Variants in ATP1A2 observed in about 807,000 individuals in gnomAD.
The protein encoded by ATP1A2 is ATPase Na+/K+ transporting subunit alpha 2, also known as sodium/potassium-transporting ATPase subunit alpha-2.
ATP1A2 carries 56 observed loss-of-function variants against 113.1 expected under a neutral mutation model. The observed-to-expected ratio is 0.49, with a 90% confidence interval of 0.40 to 0.62. ATP1A2 has a LOEUF of 0.62. ATP1A2 is among the 20% of genes least tolerant of loss of function. The pLI is 0.00. For missense variants in ATP1A2, 712 were observed against 1,357.8 expected (o/e 0.52, Z 7.47); for synonymous variants, 490 against 526.8 (o/e 0.93, Z 0.96).
chr1:160,125,783 C>T (rs146052021), intron 7 of ATP1A2, among the ~76,000 whole-genome samples: 171 of 152,344 alleles, frequency 1.1e-3, no homozygotes, highest in African/African-American at 3.8e-3. Context: ...CATGTTTCAC[C>T]ATGCACAGAC....
At chr1:160,134,265 CAT>C (rs1407398686) in intron 13 of ATP1A2, among the ~76,000 whole-genome samples, 12 of 149,810 alleles carry the variant, frequency 8.0e-5, no homozygotes, top group Admixed American at 2.0e-4. Context: ...CCTACACACA[CAT>C]ACACACACCC....
rs1558002451 is a variant in ATP1A2, at chr1:160,120,944, G to C, written c.51G>C (p.Glu17Asp). The part of the protein sequence containing the change: ...REYSPAATTA[E>D]NGGGKKKQKE... ...ACTCACCTGCCGCCACCACGGCAGAGAATGGGGGCGGCAAGAAGAAACAGA... is the reference window on the plus strand; with the variant it reads ...ACTCACCTGCCGCCACCACGGCAGACAATGGGGGCGGCAAGAAGAAACAGA... The change falls in exon 2 of 23, where the codon GAG becomes GAC. Residue 17 changes from glutamate (E) to aspartate (D), a missense_variant. Glu to Asp is a conservative substitution (Grantham distance 45). Around this residue, in one of 6 missense-constraint regions of ATP1A2, gnomAD observed 109 missense variants for 162.3 expected, o/e 0.67. Transcript: ENST00000361216. The C allele has an allele frequency of 6.2e-7, 1 of 1,610,686 alleles. No individual in the cohort carries two copies. Among genetic ancestry groups the C allele is most frequent in the Admixed American group, 1.7e-5 (1 of 59,460 alleles).
intron 13 of ATP1A2, among the ~76,000 whole-genome samples, chr1:160,132,669 G>A (rs1178495510): frequency 1.3e-5 from 2 of 152,090 alleles, no homozygotes; most frequent in African/African-American, 4.8e-5. Context: ...GTAGAGAAAA[G>A]GAGTTCAATG....
chr1:160,136,883 T>A lies in ATP1A2; in HGVS notation c.2710-18T>A. The A allele has an allele frequency of 1.9e-6, 3 of 1,614,240 alleles. No individual in the cohort carries two copies. The highest frequency in any genetic ancestry group is 2.5e-6 in the Non-Finnish European group (3 of 1,180,030). ...TTCCTCCGACACTCTCATCTGTCTCTGCCCACCCTCCCTCCAGACCTATGA... is the reference window on the plus strand; with the variant it reads ...TTCCTCCGACACTCTCATCTGTCTCAGCCCACCCTCCCTCCAGACCTATGA... On this transcript the variant is annotated intron_variant, in intron 19 of 22. Transcript: ENST00000361216.
Position 160,129,071 on chromosome 1 carries a change from G to T in ATP1A2, c.1308G>T (p.Glu436Asp), listed in dbSNP as rs763770380. ...CNRAVFKAGQENISVSKRDTA... is the reference protein window; with the variant it reads ...CNRAVFKAGQDNISVSKRDTA... ...GCGCCGTCTTCAAGGCAGGACAGGA[G>T]AACATCTCCGTGTCTAAGGTAGGGG... The change falls in exon 10 of 23, where the codon GAG (glutamate) becomes GAT (aspartate). Residue 436 changes from glutamate (E) to aspartate (D), a missense_variant. Transcript: ENST00000361216. The T allele has an allele frequency of 1.5e-5, 24 of 1,613,822 alleles. No homozygotes were observed. Among genetic ancestry groups the T allele is most frequent in the Non-Finnish European group, 2.0e-5 (24 of 1,179,830 alleles).
intron 3 of ATP1A2, 96 bp downstream of exon 3, chr1:160,121,347 T>G: frequency 7.0e-7 from 1 of 1,429,408 alleles, no homozygotes; most frequent in Non-Finnish European, 9.9e-7. Context: ...CCAGCCTTCT[T>G]TACAGATGAG....
At position 160,128,844 on chromosome 1, in the gene ATP1A2, C is replaced by A; in HGVS notation, c.1210C>A (p.Gln404Lys). 6.2e-7 allele frequency: 1 copy of A among 1,614,160 alleles called. No homozygotes were observed. The highest frequency in any genetic ancestry group is 8.5e-7 in the Non-Finnish European group (1 of 1,180,028). ...CCATGAGGCTGACACCACCGAAGAT[C>A]AGTCTGGTGATTGGGTGCTCCAGAG... ...QIHEADTTED[Q>K]SGATFDKRSP... The change falls in exon 9 of 23, where the codon CAG becomes AAG. Residue 404 changes from glutamine (Q) to lysine (K), a missense_variant. By Grantham distance (53) the Gln-to-Lys change is moderately conservative. Around this residue, in one of 6 missense-constraint regions of ATP1A2, gnomAD observed 263 missense variants for 380.6 expected, o/e 0.69. Transcript: ENST00000361216.
At chr1:160,133,531 A>G (rs1651829967) in intron 13 of ATP1A2, among the ~76,000 whole-genome samples, 1 of 152,136 alleles carries the variant, frequency 6.6e-6, no homozygotes, top group African/African-American at 2.4e-5. Context: ...ATAGCAATGA[A>G]CATTATGGTG....
intron 18 of ATP1A2, 22 bp from the exon 19 acceptor site, chr1:160,136,548 G>T (rs765552795): frequency 6.2e-7 from 1 of 1,614,176 alleles, no homozygotes. Flanking sequence ...CCCTGCCCCT[G>T]CCTTTGGCCC....
chr1:160,129,142 C>T, intron 10 of ATP1A2, 53 bp downstream of exon 10: 1 of 1,607,028 alleles, frequency 6.2e-7, no homozygotes, highest in Non-Finnish European at 8.5e-7. Context: ...TCCAAAGCCT[C>T]TTGCTGGCCC....
Position 160,135,743 on chromosome 1 carries a change from C to T in ATP1A2, c.2285-96C>T. The T allele has an allele frequency of 6.2e-7, 1 of 1,611,002 alleles. No homozygotes were observed. The highest frequency in any genetic ancestry group is 8.5e-7 in the Non-Finnish European group (1 of 1,177,794). The stretch of plus-strand genomic sequence containing the variant: ...CTTTAGCTTCCCTTGAACACAAAAT[C>T]TTCCTCTCTTGGGAAGACAGGCAGC... On this transcript the variant is annotated intron_variant, in intron 16 of 22. Transcript: ENST00000361216. This position sits in a 1 kb window ranked among gnomAD's most constrained non-coding sequence, Gnocchi z 6.3.
In ATP1A2 at chr1:160,123,193, G is replaced by A. The variant is rs1306231956; in HGVS notation, c.178-20G>A. 30 of 1,613,602 alleles carry A rather than the reference G, an allele frequency of 1.9e-5. No homozygotes were observed. Among genetic ancestry groups the A allele is most frequent in the African/African-American group, 8.0e-5 (6 of 74,902 alleles). On this transcript the variant is annotated intron_variant, in intron 3 of 22. Coordinates refer to ENST00000361216, the MANE Select transcript of ATP1A2 (RefSeq NM_000702.4). ...GTTGGCTCCGGATGCGTGCCCCTAC[G>A]CCTCTCCTTGCTCCCTCAGGGCCTC... is the stretch of plus-strand genomic sequence containing the variant.
At chr1:160,132,211 G>A (rs984214741) in intron 13 of ATP1A2, among the ~76,000 whole-genome samples, 17 of 152,202 alleles carry the variant, frequency 1.1e-4, no homozygotes, top group Admixed American at 6.5e-5. Flanking sequence ...TGTACGGAGC[G>A]TGTGTAGGGG....
Position 160,136,282 on chromosome 1 carries a change from G to A in ATP1A2, c.2475G>A (p.Glu825=). 6.2e-7 allele frequency: 1 copy of A among 1,614,214 alleles called. No individual in the cohort carries two copies. The highest frequency in any genetic ancestry group is 8.5e-7 in the Non-Finnish European group (1 of 1,180,032). The change falls in exon 18 of 23, where the codon GAG becomes GAA. Residue 825 remains glutamate, a synonymous_variant. Coordinates refer to ENST00000361216, the MANE Select transcript of ATP1A2 (RefSeq NM_000702.4). ...PAISLAYEAA[E]SDIMKRQPRN... is the part of the protein sequence containing the mutation. The stretch of plus-strand genomic sequence containing the variant: ...TCTCCTTGGCCTATGAGGCAGCTGA[G>A]AGTGATATCATGAAGCGGCAGCCAC...
chr1:160,122,176 C>T (rs1344824868), intron 3 of ATP1A2, among the ~76,000 whole-genome samples: 1 of 152,138 alleles, frequency 6.6e-6, no homozygotes, highest in Non-Finnish European at 1.5e-5. Flanking sequence ...GTGTATATCT[C>T]CTTTATGGGC....
intron 11 of ATP1A2, 67 bp downstream of exon 11, chr1:160,129,467 AG>A: frequency 6.3e-7 from 1 of 1,596,204 alleles, no homozygotes; most frequent in Non-Finnish European, 8.5e-7. Flanking sequence ...GACAAAGCCA[AG>A]GGGAATCATC....
At chr1:160,120,858 C>T (rs2101983678) in intron 1 of ATP1A2, 48 bp from the exon 2 acceptor site, 2 of 1,536,554 alleles carry the variant, frequency 1.3e-6, no homozygotes, top group Non-Finnish European at 1.8e-6. Context: ...GAATGGAGGC[C>T]CCAGCCCCTC....
intron 6 of ATP1A2, 102 bp from the exon 7 acceptor site, chr1:160,125,034 C>T: frequency 2.2e-6 from 2 of 905,416 alleles, no homozygotes; most frequent in East Asian, 2.4e-5. Context: ...CTTTGTTCCT[C>T]GTGTCATGAA....
chr1:160,126,649 A>G (rs540855870), intron 7 of ATP1A2, among the ~76,000 whole-genome samples: 2 of 151,992 alleles, frequency 1.3e-5, no homozygotes, highest in African/African-American at 4.8e-5. Context: ...ATATATATGT[A>G]TATTAGAGAT....
Sources: allele counts gnomAD v4.1 joint callset (sites outside exome capture counted in the v4.1 genomes callset), GRCh38; gene constraint gnomAD v4.1.1; regional missense constraint gnomAD v4.1.1; non-coding constraint Gnocchi (gnomAD v3.1); transcripts MANE v1.5; gene names NCBI Gene and HGNC (gene_info 2026-07-23, HGNC 2026-07-21).